F13A1: variants seen among roughly 807,000 people sequenced by gnomAD.
F13A1 encodes the protein FSF, A subunit.
In F13A1, 47 loss-of-function variants were observed where a neutral mutation model predicts 80.1. The ratio of observed to expected loss-of-function variants is 0.59; its 90% CI spans 0.46 to 0.75. F13A1 has a LOEUF of 0.75. Ranked by LOEUF, F13A1 falls within the 30% of genes least tolerant of loss-of-function variation. F13A1 has a pLI of 0.00. For synonymous variants in F13A1, 349 were observed against 344.9 expected (o/e 1.01, Z -0.13); for missense variants, 817 against 930.4 (o/e 0.88, Z 1.59).
intron 12 of F13A1, among the ~76,000 whole-genome samples, chr6:6,174,315 A>G (rs1389970118): frequency 1.3e-5 from 2 of 152,106 alleles, no homozygotes; most frequent in Non-Finnish European, 1.5e-5. Flanking sequence ...GCTTGAACCC[A>G]GGAGGCAAAG....
rs35484963 is a variant in F13A1, at chr6:6,250,411, T to TA, written c.690+399dup. On this transcript the variant is annotated intron_variant, in intron 5 of 14. Transcript: ENST00000264870. This position sits in a 1 kb window ranked among gnomAD's most constrained non-coding sequence, Gnocchi z 4.2. ...ATTAGCAGTACCCTAGGCTAACACT[T>TA]AAAAAAAAAAAAAAAGAAGCTATTT... Among the ~76,000 whole-genome samples, 18,530 of 144,762 alleles carry TA rather than the reference T, an allele frequency of 0.13. 1,209 individuals carry two copies. The highest frequency in any genetic ancestry group is 0.16 in the African/African-American group (6,488 of 40,022). The allele number at this position is 144,762 out of a possible 152,430, so 95.0% of individuals were successfully genotyped here.
chr6:6,266,435 C>T (rs1366545011), intron 4 of F13A1, 123 bp downstream of exon 4: 46 of 1,466,410 alleles, frequency 3.1e-5, no homozygotes, highest in Non-Finnish European at 4.2e-5. Flanking sequence ...AGGTCTCAAA[C>T]TCCTGGCCTC....
At chr6:6,253,586 G>C (rs1007852489) in intron 4 of F13A1, among the ~76,000 whole-genome samples, 4 of 152,192 alleles carry the variant, frequency 2.6e-5, no homozygotes. Context: ...GAGCTGGCTA[G>C]TCAAGCCCAG....
intron 2 of F13A1, among the ~76,000 whole-genome samples, chr6:6,311,932 T>C (rs1186820747): frequency 6.8e-6 from 1 of 147,276 alleles, no homozygotes; most frequent in African/African-American, 2.5e-5. Flanking sequence ...ATATAATATA[T>C]AGTTTTTATA....
intron 3 of F13A1, among the ~76,000 whole-genome samples, chr6:6,293,300 A>AG (rs1561681417): frequency 6.6e-6 from 1 of 152,120 alleles, no homozygotes; most frequent in Non-Finnish European, 1.5e-5. Flanking sequence ...GTATCAAAAA[A>AG]GCAGGGGCCC....
chr6:6,156,353 T>C (rs984082272), intron 13 of F13A1, among the ~76,000 whole-genome samples: 19 of 152,212 alleles, frequency 1.2e-4, no homozygotes, highest in Non-Finnish European at 2.4e-4. Flanking sequence ...ATTACTTTTT[T>C]AGAAATCACA....
chr6:6,167,416 C>T (rs778756088), intron 13 of F13A1, 42 bp downstream of exon 13: 39 of 1,604,478 alleles, frequency 2.4e-5, no homozygotes, highest in African/African-American at 4.1e-5. Context: ...ACTAAGTCTG[C>T]GTGCCTTTGT....
At chr6:6,299,488 T>C (rs1488130181) in intron 3 of F13A1, among the ~76,000 whole-genome samples, 3 of 126,476 alleles carry the variant, frequency 2.4e-5, no homozygotes, top group Non-Finnish European at 4.6e-5. Flanking sequence ...TCTCACTTCA[T>C]TTCGTTCATT....
chr6:6,317,536 C>T (rs1265887358), intron 2 of F13A1, among the ~76,000 whole-genome samples: 1 of 152,078 alleles, frequency 6.6e-6, no homozygotes, highest in Non-Finnish European at 1.5e-5. Context: ...CACAATGACA[C>T]CAGTCCACAA....
chr6:6,289,389 T>A (rs914193784), intron 3 of F13A1, among the ~76,000 whole-genome samples: 4 of 152,080 alleles, frequency 2.6e-5, no homozygotes, highest in Non-Finnish European at 4.4e-5. Context: ...CAGACCACAG[T>A]GTGTTACTTC....
At chr6:6,225,284 A>G (rs9504722) in intron 6 of F13A1, among the ~76,000 whole-genome samples, 7,214 of 152,230 alleles carry the variant, frequency 0.047, 438 homozygotes, top group African/African-American at 0.14. Flanking sequence ...AAACTCACAA[A>G]TGAGAAATTA....
At chr6:6,296,572 C>T (rs11962321) in intron 3 of F13A1, among the ~76,000 whole-genome samples, 10,259 of 150,306 alleles carry the variant, frequency 0.068, 955 homozygotes, top group African/African-American at 0.21. Flanking sequence ...TATAAGAATG[C>T]TTGTGATTTT....
At chr6:6,167,667 G>T (rs1760702752) in intron 12 of F13A1, 49 bp from the exon 13 acceptor site, 1 of 1,601,966 alleles carries the variant, frequency 6.2e-7, no homozygotes, top group Non-Finnish European at 8.5e-7. Flanking sequence ...TTGAGACAGG[G>T]TCTGCTTTAC....
At chr6:6,161,551 TGAGA>T (rs111622535) in intron 13 of F13A1, among the ~76,000 whole-genome samples, 198 of 146,316 alleles carry the variant, frequency 1.4e-3, no homozygotes, top group Admixed American at 3.4e-3. Context: ...TGTGTGTGTG[TGAGA>T]GAGAGAGAGA....
chr6:6,257,239 C>T (rs1292870626), intron 4 of F13A1, among the ~76,000 whole-genome samples: 1 of 152,126 alleles, frequency 6.6e-6, no homozygotes, highest in Non-Finnish European at 1.5e-5. Flanking sequence ...TCACAAAGTA[C>T]ATCAAAAGGG....
chr6:6,211,809 T>C (rs911218376), intron 8 of F13A1, among the ~76,000 whole-genome samples: 3 of 152,142 alleles, frequency 2.0e-5, no homozygotes, highest in Admixed American at 6.5e-5. Flanking sequence ...GGGCGCAGGT[T>C]AGTGGGTGCG....
At chr6:6,294,171 AG>A (rs1178043712) in intron 3 of F13A1, among the ~76,000 whole-genome samples, 1 of 152,184 alleles carries the variant, frequency 6.6e-6, no homozygotes, top group African/African-American at 2.4e-5. Flanking sequence ...ATTGGATGGA[AG>A]GATACAAAGT....
rs150296759 is a variant in F13A1 at position 6,259,035 on chromosome 6, G to A, written c.571+7523C>T. Among the ~76,000 whole-genome samples the A allele has an allele frequency of 3.0e-3, 460 of 152,298 alleles. 1 individual carries two copies. Among genetic ancestry groups the A allele is most frequent in the Non-Finnish European group, 5.2e-3 (353 of 68,022 alleles). ...TTGCTAGAAGCTATACGAAGATTGT[G>A]TCTGCCTTTTTCACTGCCATAGTCC... On this transcript the variant is annotated intron_variant, in intron 4 of 14. Transcript: ENST00000264870.
chr6:6,172,461 T>TTC (rs1159635429), intron 12 of F13A1, among the ~76,000 whole-genome samples: 1 of 151,688 alleles, frequency 6.6e-6, no homozygotes, highest in Non-Finnish European at 1.5e-5. Context: ...GTTTTTTTTT[T>TTC]TTGAGATGAA....
Sources: allele counts gnomAD v4.1 joint callset (sites outside exome capture counted in the v4.1 genomes callset), GRCh38; gene constraint gnomAD v4.1.1; non-coding constraint Gnocchi (gnomAD v3.1); transcripts MANE v1.5; gene names NCBI Gene and HGNC (gene_info 2026-07-23, HGNC 2026-07-21).